The following TBRG1 variants were observed in gnomAD, a reference collection of about 807,000 sequenced individuals.
The protein encoded by TBRG1 is nuclear interactor of ARF and MDM2.
A neutral mutation model predicts 44.0 loss-of-function variants in TBRG1; 31 were observed. The observed-to-expected ratio is 0.70, with a 90% CI of 0.53 to 0.95. TBRG1 has a LOEUF of 0.95. Ranked by LOEUF, TBRG1 falls within the 40% of genes least tolerant of loss-of-function variation. TBRG1 has a pLI of 0.00. For synonymous variants in TBRG1, 171 were observed against 188.1 expected, an observed-to-expected ratio of 0.91 and a Z score of 0.74; for missense variants, 487 against 496.1, an observed-to-expected ratio of 0.98 and a Z score of 0.18.
intron 8 of TBRG1, 157 bp downstream of exon 8, chr11:124,631,574 C>T (rs1457701934): frequency 1.2e-5 from 9 of 772,002 alleles, no homozygotes; most frequent in East Asian, 5.0e-5. Context: ...GGGGGACCTG[C>T]GGCCTGCATA....
chr11:124,625,530 CATAGGGCCTAATAAGAA>C, intron 2 of TBRG1, 124 bp from the exon 3 acceptor site: 1 of 716,358 alleles, frequency 1.4e-6, no homozygotes, highest in Non-Finnish European at 2.3e-6. Context: ...CTTTATGATT[CATAGGGCCTAATAAGAA>C]CCTTTCTTTT....
intron 5 of TBRG1, among the ~76,000 whole-genome samples, chr11:124,628,523 TAAAAAAA>T (rs201184255): frequency 2.5e-4 from 31 of 123,332 alleles, no homozygotes; most frequent in African/African-American, 9.7e-4. Flanking sequence ...AAAGCAATAT[TAAAAAAA>T]AAAAAAAAAA....
At chr11:124,629,063 A>G (rs1397815251) in intron 5 of TBRG1, among the ~76,000 whole-genome samples, 1 of 152,246 alleles carries the variant, frequency 6.6e-6, no homozygotes, top group Non-Finnish European at 1.5e-5. Context: ...TAACATTTCT[A>G]TCTTTAATGC....
chr11:124,631,184 T>G, intron 7 of TBRG1, 91 bp from the exon 8 acceptor site: 1 of 1,286,630 alleles, frequency 7.8e-7, no homozygotes, highest in South Asian at 1.5e-5. Flanking sequence ...GGGCGGAATA[T>G]AAAGAAAAAT....
Position 124,630,829 on chromosome 11 carries a change from CT to C in TBRG1, c.922del (p.Cys308ValfsTer13). 6.2e-7 allele frequency: 1 copy of C among 1,602,410 alleles called. No individual in the cohort carries two copies. Among genetic ancestry groups the C allele is most frequent in the Non-Finnish European group, 8.5e-7 (1 of 1,174,038 alleles). ...CAGCCATCCACAACCTGATCCAGAG[CT>C]GTCCAGGAGCTCGAAAATGCATCAA... is the stretch of plus-strand genomic sequence containing the variant. Reference protein sequence around the residue: ...HPAIHNLIQSCPGARKCINYQ... With the variant: ...HPAIHNLIQSXPGARKCINYQ... On this transcript the variant is annotated frameshift_variant, in exon 7 of 9. Coordinates refer to ENST00000441174, the MANE Select transcript of TBRG1 (RefSeq NM_032811.3). LOFTEE classifies it high-confidence loss of function.
Position 124,632,079 on chromosome 11 carries a change from A to C in TBRG1, c.1091-14A>C. The C allele has an allele frequency of 1.9e-6, 3 of 1,613,316 alleles. No homozygotes were observed. The highest frequency in any genetic ancestry group is 1.7e-6 in the Non-Finnish European group (2 of 1,179,406). ...CCCGAGCAGCAGTGGAACTTAAGGAATTGTTTTCTCCAGGATCCTTGGACC... is the reference window on the plus strand; with the variant it reads ...CCCGAGCAGCAGTGGAACTTAAGGACTTGTTTTCTCCAGGATCCTTGGACC... On this transcript the variant is annotated splice_polypyrimidine_tract_variant and intron_variant, in intron 8 of 8. Coordinates refer to ENST00000441174, the MANE Select transcript of TBRG1 (RefSeq NM_032811.3).
In TBRG1 at chr11:124,630,434, C is replaced by G; in HGVS notation, c.785C>G (p.Ser262Cys). The change falls in exon 6 of 9, where the codon TCT becomes TGT. Residue 262 changes from serine to cysteine, a missense_variant. By Grantham distance (112) the Ser-to-Cys change is moderately radical. Transcript: ENST00000441174. ...EDDPQNAIVS[S>C]SADACHAELL... ...GACCCCCAGAATGCCATTGTCAGCTCTTCTGCAGATGCTTGTCATGCAGAA... is the reference window on the plus strand; with the variant it reads ...GACCCCCAGAATGCCATTGTCAGCTGTTCTGCAGATGCTTGTCATGCAGAA... The G allele has an allele frequency of 6.2e-7, 1 of 1,613,798 alleles. No individual in the cohort carries two copies. The highest frequency in any genetic ancestry group is 2.2e-5 in the East Asian group (1 of 44,888).
chr11:124,629,645 T>A lies in TBRG1; in HGVS notation c.739-743T>A, dbSNP rs117870573. 2.3e-3 allele frequency among the ~76,000 whole-genome samples: 350 copies of A among 152,328 alleles called. 1 individual carries two copies. The highest frequency in any genetic ancestry group is 3.8e-3 in the Non-Finnish European group (259 of 68,034). The stretch of plus-strand genomic sequence containing the variant: ...GACTTTTTTTAGAAATCAGTAGTGC[T>A]CGATATCATTCTAAAAAATTATACA... On this transcript the variant is annotated intron_variant, in intron 5 of 8. Coordinates refer to ENST00000441174, the MANE Select transcript of TBRG1 (RefSeq NM_032811.3).
At chr11:124,625,312 G>A (rs1042060163) in intron 2 of TBRG1, among the ~76,000 whole-genome samples, 2 of 152,214 alleles carry the variant, frequency 1.3e-5, no homozygotes, top group Non-Finnish European at 2.9e-5. Flanking sequence ...AAAGCCAAGT[G>A]ATAAAAGCAA....
At chr11:124,623,293 C>G (rs1942382490) in intron 1 of TBRG1, 60 bp downstream of exon 1, 1 of 1,527,932 alleles carries the variant, frequency 6.5e-7, no homozygotes, top group African/African-American at 1.4e-5. Context: ...AAATCTTTCC[C>G]CAAGCTGTTC....
chr11:124,631,017 C>T, intron 7 of TBRG1, 162 bp downstream of exon 7: 1 of 650,010 alleles, frequency 1.5e-6, no homozygotes, highest in Non-Finnish European at 2.6e-6. Flanking sequence ...GACAGGTAAG[C>T]AAGAGCCAGG....
chr11:124,632,435 CA>C lies in TBRG1; in HGVS notation c.*199del, dbSNP rs1942636505. ...ATTTTTAGTAATAAATTTCTCTTGTCAATTCTGTTTACTTTCATCTTGTAAT... is the reference window on the plus strand; with the variant it reads ...ATTTTTAGTAATAAATTTCTCTTGTCATTCTGTTTACTTTCATCTTGTAAT... On this transcript the variant is annotated 3_prime_UTR_variant, in exon 9 of 9. Transcript: ENST00000441174. The C allele has an allele frequency of 2.1e-6, 1 of 478,352 alleles. No individual in the cohort carries two copies. The highest frequency in any genetic ancestry group is 2.9e-5 in the South Asian group (1 of 34,338). The allele number at this position is 478,352 out of a possible 1,614,324, so 29.6% of individuals were successfully genotyped here.
intron 5 of TBRG1, 166 bp from the exon 6 acceptor site, chr11:124,630,222 G>C (rs1256615693): frequency 1.7e-6 from 1 of 600,038 alleles, no homozygotes; most frequent in Non-Finnish European, 3.1e-6. Flanking sequence ...CTAGGTACTT[G>C]GATTTGTTTC....
chr11:124,633,228 TACTCTATAAC>T lies in TBRG1; in HGVS notation c.*992_*1001del, dbSNP rs1942651077. On this transcript the variant is annotated 3_prime_UTR_variant, in exon 9 of 9. Coordinates refer to ENST00000441174, the MANE Select transcript of TBRG1 (RefSeq NM_032811.3). The stretch of plus-strand genomic sequence containing the variant: ...CACATATAATTGGGGGTTAGTCCCA[TACTCTATAAC>T]AGACTTAGTCCTGTCTTTTCATTAG... The T allele has an allele frequency of 6.6e-6, 1 of 152,254 alleles. No individual in the cohort carries two copies. The highest frequency in any genetic ancestry group is 1.9e-4 in the East Asian group (1 of 5,202). The allele number at this position is 152,254 out of a possible 1,614,324, so 9.4% of individuals were successfully genotyped here. A position where few individuals can be genotyped will look rare whatever the true frequency, so the allele number is the denominator to read the frequency against.
chr11:124,626,877 C>G, intron 4 of TBRG1, 27 bp from the exon 5 acceptor site: 1 of 1,594,700 alleles, frequency 6.3e-7, no homozygotes, highest in Non-Finnish European at 8.6e-7. Flanking sequence ...TGACCTCAAT[C>G]CCAGGTTGGG....
At chr11:124,625,582 A>G in intron 2 of TBRG1, 89 bp from the exon 3 acceptor site, 1 of 1,156,862 alleles carries the variant, frequency 8.6e-7, no homozygotes, top group Non-Finnish European at 1.2e-6. Context: ...CTTTGTATAT[A>G]ATTCTGGCTT....
intron 1 of TBRG1, among the ~76,000 whole-genome samples, chr11:124,624,487 G>A (rs1942412550): frequency 6.6e-6 from 1 of 151,956 alleles, no homozygotes; most frequent in African/African-American, 2.4e-5. Context: ...ATTTGGGTTA[G>A]ACTGGCTTTG....
At chr11:124,626,784 G>A (rs768444807) in intron 4 of TBRG1, 120 bp from the exon 5 acceptor site, 44 of 1,493,938 alleles carry the variant, frequency 2.9e-5, no homozygotes, top group Non-Finnish European at 3.7e-5. Context: ...CCTACTCTCT[G>A]TCTTTGTGTG....
At chr11:124,626,746 A>T in intron 4 of TBRG1, 137 bp downstream of exon 4, 1 of 1,433,426 alleles carries the variant, frequency 7.0e-7, no homozygotes. Context: ...GTCCCTGCAA[A>T]ACCAGGTCAG....
Sources: allele counts gnomAD v4.1 joint callset (sites outside exome capture counted in the v4.1 genomes callset), GRCh38; gene constraint gnomAD v4.1.1; transcripts MANE v1.5; gene names NCBI Gene and HGNC (gene_info 2026-07-23, HGNC 2026-07-21).